Variants in CNBD1 observed in about 807,000 individuals in gnomAD.
The protein encoded by CNBD1 is cyclic nucleotide-binding domain-containing protein 1.
A neutral mutation model predicts 54.4 loss-of-function variants in CNBD1; 71 were observed. The observed-to-expected ratio is 1.30, with a 90% CI of 1.08 to 1.59. The LOEUF (loss-of-function observed/expected upper bound fraction) is 1.59, where lower values mean the gene tolerates loss of function less well. Among genes scored for constraint, CNBD1 ranks in the 40% most tolerant of loss-of-function variants. CNBD1 has a pLI of 0.00. For missense variants in CNBD1, 659 were observed against 518.0 expected, an observed-to-expected ratio of 1.27 and a Z score of -2.64; for synonymous variants, 182 against 170.7, an observed-to-expected ratio of 1.07 and a Z score of -0.51.
At chr8:87,227,308 G>A (rs1231576851) in intron 5 of CNBD1, among the ~76,000 whole-genome samples, 27 of 145,250 alleles carry the variant, frequency 1.9e-4, no homozygotes, top group Middle Eastern at 3.5e-3. Flanking sequence ...GATTTTGCTC[G>A]TTAGTTGATG....
At chr8:87,177,148 G>A (rs1586309395) in intron 4 of CNBD1, among the ~76,000 whole-genome samples, 1 of 152,090 alleles carries the variant, frequency 6.6e-6, no homozygotes, top group South Asian at 2.1e-4. Context: ...TTATTCAAAT[G>A]TTAATTATTT....
At chr8:86,955,235 A>G (rs956295257) in intron 4 of CNBD1, among the ~76,000 whole-genome samples, 7 of 152,120 alleles carry the variant, frequency 4.6e-5, no homozygotes, top group Non-Finnish European at 2.9e-5. Context: ...TATATCATTG[A>G]TGGACATTTG....
intron 10 of CNBD1, among the ~76,000 whole-genome samples, chr8:87,376,707 A>G (rs1368761351): frequency 6.6e-6 from 1 of 151,958 alleles, no homozygotes; most frequent in Non-Finnish European, 1.5e-5. Context: ...TTTCATCTTA[A>G]TGAAAATCTT....
chr8:87,225,785 C>T (rs1586343678), intron 5 of CNBD1, among the ~76,000 whole-genome samples: 1 of 149,728 alleles, frequency 6.7e-6, no homozygotes, highest in African/African-American at 2.5e-5. Flanking sequence ...CCCTCTTTTT[C>T]TATTGATTGG....
At chr8:87,211,632 T>C (rs1814100585) in intron 5 of CNBD1, among the ~76,000 whole-genome samples, 1 of 152,152 alleles carries the variant, frequency 6.6e-6, no homozygotes, top group South Asian at 2.1e-4. Context: ...TCTCTCCTGC[T>C]CCTTCTCTCT....
At chr8:87,200,754 T>G (rs1813842614) in intron 4 of CNBD1, among the ~76,000 whole-genome samples, 1 of 152,132 alleles carries the variant, frequency 6.6e-6, no homozygotes, top group Non-Finnish European at 1.5e-5. Flanking sequence ...AAGATTAAAT[T>G]GCCAAGTAAA....
At chr8:87,425,904 G>C (rs538924767) in intron 2 of CNBD1, among the ~76,000 whole-genome samples, 1 of 152,058 alleles carries the variant, frequency 6.6e-6, no homozygotes, top group African/African-American at 2.4e-5. Context: ...AATGGCGGGC[G>C]CCCCTCCCCC....
At chr8:87,248,808 G>T (rs1807857809) in intron 6 of CNBD1, among the ~76,000 whole-genome samples, 1 of 151,970 alleles carries the variant, frequency 6.6e-6, no homozygotes. Context: ...ACTCATTTTG[G>T]CTATGGTTAG....
chr8:87,065,711 C>T (rs895800874), intron 4 of CNBD1, among the ~76,000 whole-genome samples: 3 of 151,866 alleles, frequency 2.0e-5, no homozygotes, highest in South Asian at 4.1e-4. Flanking sequence ...ATTATTAGCC[C>T]TCTAATGCCT....
chr8:87,023,413 G>A (rs558106540), intron 4 of CNBD1, among the ~76,000 whole-genome samples: 3 of 151,900 alleles, frequency 2.0e-5, no homozygotes, highest in African/African-American at 7.2e-5. Context: ...TATTTACCTC[G>A]GTGAGGCTTT....
intron 4 of CNBD1, among the ~76,000 whole-genome samples, chr8:87,055,863 C>T (rs973646213): frequency 1.1e-4 from 16 of 143,238 alleles, no homozygotes; most frequent in African/African-American, 4.1e-4. Context: ...CTCCCTCCCT[C>T]CTTCCCTCCC....
intron 4 of CNBD1, among the ~76,000 whole-genome samples, chr8:86,977,875 C>T (rs1808377820): frequency 6.6e-6 from 1 of 152,088 alleles, no homozygotes; most frequent in Non-Finnish European, 1.5e-5. Context: ...TACTTCCAAA[C>T]CATTTTAAGA....
chr8:87,077,182 G>A (rs978719299), intron 4 of CNBD1, among the ~76,000 whole-genome samples: 3 of 152,100 alleles, frequency 2.0e-5, no homozygotes, highest in African/African-American at 7.2e-5. Flanking sequence ...GTTGGAACTC[G>A]CCTTAATCAG....
intron 8 of CNBD1, among the ~76,000 whole-genome samples, chr8:87,333,461 A>G (rs141376235): frequency 5.9e-5 from 9 of 152,296 alleles, no homozygotes; most frequent in African/African-American, 2.2e-4. Flanking sequence ...CCAGCTTTCA[A>G]AGGGAATACT....
intron 4 of CNBD1, among the ~76,000 whole-genome samples, chr8:86,986,646 G>C (rs1179031009): frequency 6.6e-6 from 1 of 152,102 alleles, no homozygotes; most frequent in Admixed American, 6.6e-5. Context: ...ATAGTTTGAG[G>C]TATTACATTT....
In CNBD1 at chr8:87,044,618, GCTGT is replaced by G. The variant is rs1352737087; in HGVS notation, c.431+104869_431+104872del. 4 of 152,134 alleles carry G rather than the reference GCTGT, an allele frequency of 2.6e-5. No individual in the cohort carries two copies. The East Asian group carries it at 5.8e-4, about 22-fold the overall frequency. The allele number at this position is 152,134 out of a possible 1,614,324, so 9.4% of individuals were successfully genotyped here. On this transcript the variant is annotated intron_variant, in intron 4 of 10. Coordinates refer to ENST00000518476, the MANE Select transcript of CNBD1 (RefSeq NM_173538.3). ...TTGAGTAACTTTTCTTATGTGAAAAGCTGTCTGTACAACTCTCCCCATCTTTACA... is the reference window on the plus strand; with the variant it reads ...TTGAGTAACTTTTCTTATGTGAAAAGCTGTACAACTCTCCCCATCTTTACA...
chr8:87,036,594 T>TTAA (rs762075391), intron 4 of CNBD1, among the ~76,000 whole-genome samples: 1 of 64,744 alleles, frequency 1.5e-5, no homozygotes, highest in Non-Finnish European at 2.8e-5. Flanking sequence ...ACTGCATCTC[T>TTAA]AAAAAAAAAA....
intron 4 of CNBD1, among the ~76,000 whole-genome samples, chr8:87,045,490 C>T (rs548111928): frequency 3.9e-5 from 6 of 152,088 alleles, no homozygotes; most frequent in East Asian, 3.9e-4. Context: ...CTTTGGGAGG[C>T]GGAGGCGGGC....
chr8:87,228,306 G>C (rs1814560599), intron 5 of CNBD1, among the ~76,000 whole-genome samples: 1 of 151,258 alleles, frequency 6.6e-6, no homozygotes, highest in South Asian at 2.1e-4. Flanking sequence ...CTTTGGAGGA[G>C]GAGAGGCACT....
Sources: gnomAD v4.1 joint callset for allele counts (sites outside exome capture counted in the v4.1 genomes callset) on GRCh38, gnomAD v4.1.1 for gene constraint, MANE v1.5 for transcripts, NCBI Gene and HGNC (gene_info 2026-07-23, HGNC 2026-07-21) for gene names.